Variants in TRAPPC9 observed in about 807,000 individuals in gnomAD.
TRAPPC9 encodes the protein IKK2 binding protein.
Under a neutral mutation model 124.0 loss-of-function variants are expected in TRAPPC9, and 83 were observed. The ratio of observed to expected loss-of-function variants is 0.67; its 90% CI spans 0.56 to 0.80. The LOEUF (loss-of-function observed/expected upper bound fraction) is 0.80. TRAPPC9 is among the 30% of genes least tolerant of loss of function. The probability of loss-of-function intolerance (pLI) is 0.00; values close to 1 mark genes in which losing one functional copy is unlikely to be tolerated. For missense variants in TRAPPC9, 1,302 were observed against 1,508.3 expected (o/e 0.86, Z 2.27); for synonymous variants, 638 against 617.5 (o/e 1.03, Z -0.49).
chr8:140,168,415 T>TAC (rs1387228794), intron 17 of TRAPPC9, among the ~76,000 whole-genome samples: 5 of 152,122 alleles, frequency 3.3e-5, no homozygotes, highest in Non-Finnish European at 7.4e-5. Flanking sequence ...TGATGCCCCT[T>TAC]CTCCCCACCC....
intron 21 of TRAPPC9, among the ~76,000 whole-genome samples, chr8:139,759,261 G>A (rs369736485): frequency 1.3e-3 from 196 of 152,322 alleles, no homozygotes; most frequent in African/African-American, 4.4e-3. Context: ...GGAAAGGGAA[G>A]GCAAAGCCGG....
At chr8:140,427,841 G>A (rs530257559) in intron 4 of TRAPPC9, among the ~76,000 whole-genome samples, 26 of 152,116 alleles carry the variant, frequency 1.7e-4, no homozygotes, top group Admixed American at 6.6e-4. Flanking sequence ...CTGCAATCTT[G>A]ACGCCACCAT....
intron 21 of TRAPPC9, among the ~76,000 whole-genome samples, chr8:139,875,969 C>T (rs1258571278): frequency 6.6e-6 from 1 of 152,234 alleles, no homozygotes; most frequent in Non-Finnish European, 1.5e-5. Context: ...CCTGGGGCAC[C>T]CACTGCCACC....
intron 9 of TRAPPC9, among the ~76,000 whole-genome samples, chr8:140,347,096 T>C (rs1342946828): frequency 1.3e-5 from 2 of 152,212 alleles, no homozygotes; most frequent in Non-Finnish European, 2.9e-5. Flanking sequence ...CACGCATGTT[T>C]AGCACGGCCG....
At chr8:140,115,623 A>G (rs2060867279) in intron 17 of TRAPPC9, among the ~76,000 whole-genome samples, 1 of 98,848 alleles carries the variant, frequency 1.0e-5, no homozygotes, top group Non-Finnish European at 2.4e-5. Flanking sequence ...TTTTCAATCT[A>G]TGGTTGCCTG....
intron 10 of TRAPPC9, among the ~76,000 whole-genome samples, chr8:140,303,102 C>T (rs1302420880): frequency 6.6e-6 from 1 of 152,128 alleles, no homozygotes; most frequent in East Asian, 1.9e-4. Context: ...GAATAAATGC[C>T]TAGAATCCTT....
intron 3 of TRAPPC9, among the ~76,000 whole-genome samples, chr8:140,435,984 C>T (rs2070799159): frequency 6.6e-6 from 1 of 152,198 alleles, no homozygotes; most frequent in Non-Finnish European, 1.5e-5. Flanking sequence ...ATGTGGGTTA[C>T]ACCTGTAGAT....
intron 21 of TRAPPC9, among the ~76,000 whole-genome samples, chr8:139,854,506 C>A (rs1827683403): frequency 6.6e-6 from 1 of 152,220 alleles, no homozygotes; most frequent in Non-Finnish European, 1.5e-5. Context: ...GGACCCAGCA[C>A]ACAGAACGCC....
intron 17 of TRAPPC9, among the ~76,000 whole-genome samples, chr8:140,188,630 C>T (rs1255281961): frequency 6.6e-6 from 1 of 152,208 alleles, no homozygotes; most frequent in Non-Finnish European, 1.5e-5. Flanking sequence ...TGGCATTCCC[C>T]TTTACCAGCC....
intron 2 of TRAPPC9, among the ~76,000 whole-genome samples, chr8:140,444,288 T>C (rs1370796238): frequency 1.3e-5 from 2 of 152,084 alleles, no homozygotes; most frequent in Non-Finnish European, 2.9e-5. Flanking sequence ...TTGTGTTTTT[T>C]ATCTTTTGTT....
intron 19 of TRAPPC9, among the ~76,000 whole-genome samples, chr8:139,939,885 G>C (rs923075131): frequency 6.6e-6 from 1 of 152,228 alleles, no homozygotes; most frequent in Non-Finnish European, 1.5e-5. Flanking sequence ...TCTCATCTGC[G>C]GGAAAGGCCT....
intron 5 of TRAPPC9, among the ~76,000 whole-genome samples, chr8:140,406,525 C>T (rs1433954181): frequency 6.6e-6 from 1 of 152,198 alleles, no homozygotes; most frequent in Non-Finnish European, 1.5e-5. Flanking sequence ...CTGCCCTCAT[C>T]CCCTGTGCAG....
intron 21 of TRAPPC9, among the ~76,000 whole-genome samples, chr8:139,733,515 G>T (rs1817970883): frequency 6.6e-6 from 1 of 152,272 alleles, no homozygotes; most frequent in African/African-American, 2.4e-5. Flanking sequence ...TCCTGGAAGT[G>T]GGAGGTCCCG....
At chr8:140,014,432 A>C (rs1839333513) in intron 18 of TRAPPC9, among the ~76,000 whole-genome samples, 1 of 152,220 alleles carries the variant, frequency 6.6e-6, no homozygotes, top group African/African-American at 2.4e-5. Flanking sequence ...GTGGGAGAAC[A>C]GTAAAAATAA....
intron 9 of TRAPPC9, among the ~76,000 whole-genome samples, chr8:140,331,155 G>T (rs912829178): frequency 1.3e-5 from 2 of 150,370 alleles, no homozygotes; most frequent in Non-Finnish European, 3.0e-5. Context: ...AAAGAACCCA[G>T]ATATAAACCC....
chr8:140,061,741 G>C lies in TRAPPC9; in HGVS notation c.2557-37662C>G, dbSNP rs576159711. Reference sequence around the variant, plus strand: ...AACAGGCCAGAAGCCTGGACGGAAGGGGGAGAGGCTGAGAATGGAGCAGCA... The same window carrying C: ...AACAGGCCAGAAGCCTGGACGGAAGCGGGAGAGGCTGAGAATGGAGCAGCA... On this transcript the variant is annotated intron_variant, in intron 17 of 22. Coordinates refer to ENST00000438773, the MANE Select transcript of TRAPPC9 (RefSeq NM_001160372.4). 2.5e-4 allele frequency among the ~76,000 whole-genome samples: 38 copies of C among 152,322 alleles called. 1 individual carries two copies. The South Asian group carries it at 7.7e-3, about 31-fold the overall frequency.
intron 21 of TRAPPC9, among the ~76,000 whole-genome samples, chr8:139,734,796 G>A (rs1254015371): frequency 1.3e-5 from 2 of 152,242 alleles, no homozygotes; most frequent in Non-Finnish European, 2.9e-5. Context: ...CACTCAACAG[G>A]TGCCCACTAT....
At chr8:139,889,359 C>T (rs985628077) in intron 20 of TRAPPC9, among the ~76,000 whole-genome samples, 1 of 152,116 alleles carries the variant, frequency 6.6e-6, no homozygotes, top group African/African-American at 2.4e-5. Context: ...TGTCCCTTCT[C>T]GGGAGCCAGT....
At chr8:140,069,902 G>A (rs1055701000) in intron 17 of TRAPPC9, among the ~76,000 whole-genome samples, 5 of 152,094 alleles carry the variant, frequency 3.3e-5, no homozygotes, top group Non-Finnish European at 7.3e-5. Context: ...AAAGGCCCGG[G>A]AGCCCAAAGT....
Sources: gnomAD v4.1 joint callset for allele counts (sites outside exome capture counted in the v4.1 genomes callset) on GRCh38, gnomAD v4.1.1 for gene constraint, MANE v1.5 for transcripts, NCBI Gene and HGNC (gene_info 2026-07-23, HGNC 2026-07-21) for gene names.